ZFR2: variants seen among roughly 807,000 people sequenced by gnomAD.
The protein encoded by ZFR2 is zinc finger RNA binding protein 2.
A neutral mutation model predicts 105.7 loss-of-function variants in ZFR2; 104 were observed. The observed-to-expected ratio is 0.98, with a 90% CI of 0.84 to 1.16. ZFR2 has a LOEUF of 1.16. ZFR2 is among the 50% of genes most tolerant of loss of function. The pLI is 0.00. For synonymous variants in ZFR2, 634 were observed against 597.7 expected, an observed-to-expected ratio of 1.06 and a Z score of -0.89; for missense variants, 1,425 against 1,355.5, an observed-to-expected ratio of 1.05 and a Z score of -0.80.
In ZFR2 at chr19:3,810,500, A is replaced by T. The variant is rs574809647; in HGVS notation, c.2433+250T>A. Among the ~76,000 whole-genome samples the T allele has an allele frequency of 8.1e-4, 123 of 152,212 alleles. 1 individual carries two copies. The South Asian group carries it at 0.024, about 30-fold the overall frequency. ...TGCCACGAAGTCGGGCAGACACCTC[A>T]CATTTCCCTGGCCAGTCCCACATTT... On this transcript the variant is annotated intron_variant, in intron 16 of 18. Coordinates refer to ENST00000262961, the MANE Select transcript of ZFR2 (RefSeq NM_015174.2).
chr19:3,815,290 A>G (rs1225407012), intron 13 of ZFR2, among the ~76,000 whole-genome samples: 1 of 152,072 alleles, frequency 6.6e-6, no homozygotes, highest in African/African-American at 2.4e-5. Flanking sequence ...GGGTTTTACT[A>G]TGATGGCCAA....
rs763735265 is a variant in ZFR2, at chr19:3,831,380, G to A, written c.775C>T (p.Pro259Ser). Residue 259 changes from proline (P) to serine (S), a missense_variant, in exon 5 of 19, where the codon CCG (proline) becomes TCG (serine). Pro to Ser is a moderately conservative substitution (Grantham distance 74, BLOSUM62 -1). Coordinates refer to ENST00000262961, the MANE Select transcript of ZFR2 (RefSeq NM_015174.2). Reference protein sequence around the residue: ...DSKPPLPSKLPRPKAGPRQLQ... With the variant: ...DSKPPLPSKLSRPKAGPRQLQ... ...TGCCTGGGCCCCGCCTTGGGTCTCG[G>A]CAGCTTGCTGGGAAGCGGTGGCTTC... 6.4e-7 allele frequency: 1 copy of A among 1,557,786 alleles called. No individual in the cohort carries two copies. The highest frequency in any genetic ancestry group is 1.9e-5 in the Admixed American group (1 of 52,100).
chr19:3,860,931 C>A (rs2145194200), intron 1 of ZFR2, among the ~76,000 whole-genome samples: 1 of 152,246 alleles, frequency 6.6e-6, no homozygotes, highest in East Asian at 1.9e-4. Flanking sequence ...TTCTCATGAG[C>A]AACCACAACC....
chr19:3,828,154 T>G (rs1460764409), intron 5 of ZFR2, among the ~76,000 whole-genome samples: 1 of 149,314 alleles, frequency 6.7e-6, no homozygotes, highest in Non-Finnish European at 1.5e-5. Context: ...AATTTTTTTT[T>G]TTTTTTTCGA....
chr19:3,832,628 G>GTT lies in ZFR2; in HGVS notation c.380-752_380-751dup, dbSNP rs112247869. Among the ~76,000 whole-genome samples, 155 of 143,466 alleles carry GTT rather than the reference G, an allele frequency of 1.1e-3. 1 individual carries two copies. In the East Asian group the frequency reaches 0.017, roughly 16 times the overall value. 94.1% of individuals were successfully genotyped at this position (143,466 alleles called of 152,430 possible). A position where few individuals can be genotyped will look rare whatever the true frequency, so the allele number is the denominator to read the frequency against. On this transcript the variant is annotated intron_variant, in intron 3 of 18. Transcript: ENST00000262961. ...AGCTGCTGCACCCGGCCTTTATTTTGTTTTTTTTTTTTATTTTTTATTTTT... is the reference window on the plus strand; with the variant it reads ...AGCTGCTGCACCCGGCCTTTATTTTGTTTTTTTTTTTTTTATTTTTTATTTTT...
rs773842233 is a variant in ZFR2 at position 3,827,534 on chromosome 19, G to A, written c.972C>T (p.Cys324=). 27 of 1,560,342 alleles carry A rather than the reference G, an allele frequency of 1.7e-5. No individual in the cohort carries two copies. Among genetic ancestry groups the A allele is most frequent in the South Asian group, 1.7e-4 (14 of 84,756 alleles). Residue 324 remains cysteine, a synonymous_variant, in exon 6 of 19, where the codon TGC becomes TGT. Coordinates refer to ENST00000262961, the MANE Select transcript of ZFR2 (RefSeq NM_015174.2). ...GVQAQLHCDL[C]AVSCTGADAY... ...CGTCCGCCCCGGTGCAGGACACGGC[G>A]CACAGGTCGCAATGCAGCTGCGCCT...
At chr19:3,818,360 G>A (rs1038361905) in intron 12 of ZFR2, among the ~76,000 whole-genome samples, 5 of 152,162 alleles carry the variant, frequency 3.3e-5, no homozygotes, top group African/African-American at 7.2e-5. Flanking sequence ...CCAGCTACTC[G>A]GGAGGCTGAG....
chr19:3,852,705 G>A, intron 1 of ZFR2: 1 of 652,616 alleles, frequency 1.5e-6, no homozygotes, highest in Non-Finnish European at 2.8e-6. Flanking sequence ...GCCACATTGT[G>A]GTTTCAGGAG....
In ZFR2 at chr19:3,820,186, A is replaced by T; in HGVS notation, c.1736T>A (p.Leu579His). 6.4e-7 allele frequency: 1 copy of T among 1,552,242 alleles called. No individual in the cohort carries two copies. The highest frequency in any genetic ancestry group is 8.7e-7 in the Non-Finnish European group (1 of 1,147,628). The change falls in exon 11 of 19, where the codon CTC (leucine) becomes CAC (histidine). Residue 579 changes from leucine to histidine, a missense_variant. By Grantham distance (99) the Leu-to-His change is moderately conservative. Coordinates refer to ENST00000262961, the MANE Select transcript of ZFR2 (RefSeq NM_015174.2). ...CACAGAGGAAACTGTACCTACCTGG[A>T]GTGGGGCGCTGGCGGGTGACTCCGG... Reference protein sequence around the residue: ...GRPESPASAPLQPGRRPASSD... With the variant: ...GRPESPASAPHQPGRRPASSD...
intron 13 of ZFR2, among the ~76,000 whole-genome samples, chr19:3,814,285 T>C (rs1055123447): frequency 6.6e-6 from 1 of 152,178 alleles, no homozygotes; most frequent in Non-Finnish European, 1.5e-5. Context: ...AACAGATACC[T>C]GGCAGAAAAA....
In ZFR2 at chr19:3,834,635, G is replaced by T; in HGVS notation, c.264+138C>A. The T allele has an allele frequency of 1.1e-6, 1 of 940,152 alleles. No homozygotes were observed. Among genetic ancestry groups the T allele is most frequent in the Non-Finnish European group, 1.6e-6 (1 of 619,202 alleles). 58.2% of individuals were successfully genotyped at this position (940,152 alleles called of 1,614,324 possible). ...TTTCTCCCCACCACGGGTACGCAAT[G>T]CCAGCAGAAGGGTCCCGAAGGAAGG... On this transcript the variant is annotated intron_variant, in intron 2 of 18. Transcript: ENST00000262961. The surrounding 1 kb of genome is among the most constrained non-coding windows in gnomAD (Gnocchi z 5.3).
In ZFR2 at chr19:3,838,043, T is replaced by G; in HGVS notation, c.54-3060A>C. ...TGAACACCGTGACTGTGACACACGA[T>G]GAACACCATGACCGTGACACGTGAT... On this transcript the variant is annotated intron_variant, in intron 1 of 18. Transcript: ENST00000262961. The surrounding 1 kb of genome is among the most constrained non-coding windows in gnomAD (Gnocchi z 4.9). 6.7e-6 allele frequency among the ~76,000 whole-genome samples: 1 copy of G among 150,264 alleles called. No individual in the cohort carries two copies. Among genetic ancestry groups the G allele is most frequent in the East Asian group, 2.0e-4 (1 of 4,954 alleles).
At chr19:3,839,634 TTA>T (rs1387277053) in intron 1 of ZFR2, among the ~76,000 whole-genome samples, 1 of 147,844 alleles carries the variant, frequency 6.8e-6, no homozygotes, top group Admixed American at 6.9e-5. Flanking sequence ...CACTTCTTTT[TTA>T]TGACAAAATA....
chr19:3,818,941 C>G (rs1444089352), intron 12 of ZFR2, 104 bp downstream of exon 12: 1 of 1,418,264 alleles, frequency 7.1e-7, no homozygotes, highest in Non-Finnish European at 9.4e-7. Context: ...CCACCGACGG[C>G]TCCAGGCCCA....
chr19:3,841,767 C>G (rs1375801891), intron 1 of ZFR2, among the ~76,000 whole-genome samples: 1 of 151,802 alleles, frequency 6.6e-6, no homozygotes, highest in South Asian at 2.1e-4. Context: ...ATTGCACCAG[C>G]GTACTCCAGC....
At chr19:3,808,030 C>T (rs1283050891) in intron 17 of ZFR2, among the ~76,000 whole-genome samples, 3 of 128,774 alleles carry the variant, frequency 2.3e-5, no homozygotes, top group African/African-American at 9.2e-5. Context: ...TATGTGCACT[C>T]ATGTCCTTGT....
At chr19:3,840,737 G>A (rs1395428666) in intron 1 of ZFR2, among the ~76,000 whole-genome samples, 1 of 151,962 alleles carries the variant, frequency 6.6e-6, no homozygotes, top group Non-Finnish European at 1.5e-5. Context: ...TTGCTATGTT[G>A]CCCAGGATGA....
chr19:3,841,591 G>A (rs1004913221), intron 1 of ZFR2, among the ~76,000 whole-genome samples: 2 of 151,982 alleles, frequency 1.3e-5, no homozygotes, highest in Non-Finnish European at 2.9e-5. Flanking sequence ...AGGCTGAGGT[G>A]GGAGGGTCAC....
chr19:3,838,538 T>G lies in ZFR2; in HGVS notation c.54-3555A>C, dbSNP rs1276796134. Among the ~76,000 whole-genome samples the G allele has an allele frequency of 6.6e-6, 1 of 152,090 alleles. No individual in the cohort carries two copies. Among genetic ancestry groups the G allele is most frequent in the African/African-American group, 2.4e-5 (1 of 41,424 alleles). ...CTCCTCCCTCCTCGCCAGCATTTCT[T>G]TGTCCTCCTGGCAGCCAGAGAGGGG... is the stretch of plus-strand genomic sequence containing the variant. On this transcript the variant is annotated intron_variant, in intron 1 of 18. Transcript: ENST00000262961. This position sits in a 1 kb window ranked among gnomAD's most constrained non-coding sequence, Gnocchi z 4.9.
Sources: gnomAD v4.1 joint callset for allele counts (sites outside exome capture counted in the v4.1 genomes callset) on GRCh38, gnomAD v4.1.1 for gene constraint, Gnocchi (gnomAD v3.1) non-coding constraint, MANE v1.5 for transcripts, NCBI Gene and HGNC (gene_info 2026-07-23, HGNC 2026-07-21) for gene names.